Variants in OSBP2 observed in about 807,000 individuals in gnomAD.
The protein encoded by OSBP2 is oxysterol binding protein 2, also known as oxysterol-binding protein 2.
Under a neutral mutation model 96.0 loss-of-function variants are expected in OSBP2, and 66 were observed. The ratio of observed to expected loss-of-function variants is 0.69; its 90% CI spans 0.56 to 0.84. The LOEUF is 0.84. Among genes scored for constraint, OSBP2 ranks in the 40% least tolerant of loss-of-function variants. OSBP2 has a pLI of 0.00. For synonymous variants in OSBP2, 525 were observed against 520.9 expected (o/e 1.01, Z -0.11); for missense variants, 1,038 against 1,222.7 (o/e 0.85, Z 2.25).
chr22:30,800,522 A>G (rs2090835092), intron 2 of OSBP2, among the ~76,000 whole-genome samples: 1 of 152,128 alleles, frequency 6.6e-6, no homozygotes, highest in African/African-American at 2.4e-5. Flanking sequence ...TAGATTTGAC[A>G]GCAACATTGG....
chr22:30,758,150 C>T (rs1049605058), intron 2 of OSBP2, among the ~76,000 whole-genome samples: 1 of 152,162 alleles, frequency 6.6e-6, no homozygotes, highest in Non-Finnish European at 1.5e-5. Context: ...GCCTGTAATC[C>T]GTGCACTTTG....
At chr22:30,819,832 G>T (rs553309705) in intron 2 of OSBP2, among the ~76,000 whole-genome samples, 72 of 152,126 alleles carry the variant, frequency 4.7e-4, no homozygotes, top group Non-Finnish European at 1.6e-4. Flanking sequence ...ATAGACAGTG[G>T]GGCTAAGAAA....
chr22:30,817,539 G>A (rs1033600908), intron 2 of OSBP2, among the ~76,000 whole-genome samples: 1 of 152,226 alleles, frequency 6.6e-6, no homozygotes, highest in South Asian at 2.1e-4. Flanking sequence ...AGGGGAAAGG[G>A]GGTTGTGAGG....
At chr22:30,836,501 C>T (rs527880144) in intron 2 of OSBP2, among the ~76,000 whole-genome samples, 5 of 152,302 alleles carry the variant, frequency 3.3e-5, no homozygotes, top group African/African-American at 9.6e-5. Context: ...TTTCCTCCTT[C>T]CTTTTCTTTG....
intron 2 of OSBP2, among the ~76,000 whole-genome samples, chr22:30,775,698 C>T (rs931414948): frequency 6.6e-6 from 1 of 152,108 alleles, no homozygotes; most frequent in African/African-American, 2.4e-5. Flanking sequence ...TATCATTGTT[C>T]AAATACCTAA....
Position 30,782,691 on chromosome 22 carries a change from T to G in OSBP2, c.853+41322T>G, listed in dbSNP as rs538853685. ...CCTGTGGATGGACATTTGAGTTGTTTCCAGGTTCGGCCATAACAGAGCTGC... is the reference window on the plus strand; with the variant it reads ...CCTGTGGATGGACATTTGAGTTGTTGCCAGGTTCGGCCATAACAGAGCTGC... On this transcript the variant is annotated intron_variant, in intron 2 of 13. Coordinates refer to ENST00000332585, the MANE Select transcript of OSBP2 (RefSeq NM_030758.4). Among the ~76,000 whole-genome samples, 61 of 152,336 alleles carry G rather than the reference T, an allele frequency of 4.0e-4. 1 individual carries two copies. The highest frequency in any genetic ancestry group is 1.5e-3 in the African/African-American group (61 of 41,574).
chr22:30,862,232 C>T (rs147144925), intron 2 of OSBP2, among the ~76,000 whole-genome samples: 1,765 of 152,346 alleles, frequency 0.012, 19 homozygotes, highest in Non-Finnish European at 0.019. Flanking sequence ...AGGGCTTCCG[C>T]TCCCCGCCTG....
intron 2 of OSBP2, among the ~76,000 whole-genome samples, chr22:30,785,286 C>T (rs1409769461): frequency 4.0e-5 from 6 of 151,882 alleles, no homozygotes; most frequent in Non-Finnish European, 7.4e-5. Flanking sequence ...TTAATCTTTC[C>T]GGCCCGGCAC....
chr22:30,772,474 G>A (rs1030630568), intron 2 of OSBP2, among the ~76,000 whole-genome samples: 2 of 152,194 alleles, frequency 1.3e-5, no homozygotes, highest in East Asian at 1.9e-4. Context: ...GTCTTGTAAT[G>A]AATGAGGCAG....
At chr22:30,732,863 C>G (rs1368705421) in intron 1 of OSBP2, among the ~76,000 whole-genome samples, 1 of 152,210 alleles carries the variant, frequency 6.6e-6, no homozygotes. Flanking sequence ...CCTAGTGCAG[C>G]TGGGTTCCTG....
chr22:30,726,490 A>G (rs136372), intron 1 of OSBP2, among the ~76,000 whole-genome samples: 129,863 of 151,548 alleles, frequency 0.86, 55,836 homozygotes, highest in East Asian at 0.98. Context: ...GAGGGTGGGG[A>G]CAAGGAGAGG....
At chr22:30,746,485 CTT>C (rs34500140) in intron 2 of OSBP2, among the ~76,000 whole-genome samples, 5 of 101,542 alleles carry the variant, frequency 4.9e-5, no homozygotes, top group Admixed American at 1.2e-4. Flanking sequence ...GGATGAAACA[CTT>C]TTTTTTTTTT....
At chr22:30,823,279 G>A (rs2038324746) in intron 2 of OSBP2, among the ~76,000 whole-genome samples, 1 of 152,226 alleles carries the variant, frequency 6.6e-6, no homozygotes. Flanking sequence ...CTAGCGTGGG[G>A]GAAAACCTTA....
At chr22:30,709,123 ATAAAT>A (rs1271964817) in intron 1 of OSBP2, among the ~76,000 whole-genome samples, 1 of 152,122 alleles carries the variant, frequency 6.6e-6, no homozygotes, top group Non-Finnish European at 1.5e-5. Context: ...AATAAAATAA[ATAAAT>A]AAATAAACAA....
At chr22:30,716,843 A>G (rs1177056344) in intron 1 of OSBP2, among the ~76,000 whole-genome samples, 1 of 152,126 alleles carries the variant, frequency 6.6e-6, no homozygotes, top group Non-Finnish European at 1.5e-5. Flanking sequence ...ATTAGCAAAT[A>G]TTTTCTCCTA....
chr22:30,892,862 T>C (rs1469519356), intron 8 of OSBP2, among the ~76,000 whole-genome samples: 2 of 152,116 alleles, frequency 1.3e-5, no homozygotes, highest in African/African-American at 4.8e-5. Flanking sequence ...GAGCATGAGG[T>C]CCACCATCAC....
rs2039910807 is a variant in OSBP2 at position 30,890,091 on chromosome 22, A to G, written c.1623+455A>G. Among the ~76,000 whole-genome samples, 1 of 152,206 alleles carries G rather than the reference A, an allele frequency of 6.6e-6. No homozygotes were observed. ...GCTACAGTGGCATCTCCACTAGGCC[A>G]GACGGTTCTGCTGTGTGACCCAGAA... is the stretch of plus-strand genomic sequence containing the variant. On this transcript the variant is annotated intron_variant, in intron 7 of 13. Transcript: ENST00000332585. The surrounding 1 kb of genome is among the most constrained non-coding windows in gnomAD (Gnocchi z 4.4).
chr22:30,788,391 TAGAG>T (rs2090625880), intron 2 of OSBP2, among the ~76,000 whole-genome samples: 1 of 152,076 alleles, frequency 6.6e-6, no homozygotes, highest in African/African-American at 2.4e-5. Context: ...AATCCAGCAG[TAGAG>T]AGAGGCCAGC....
At chr22:30,876,882 T>C (rs778031052) in intron 3 of OSBP2, among the ~76,000 whole-genome samples, 2 of 152,252 alleles carry the variant, frequency 1.3e-5, no homozygotes, top group Non-Finnish European at 2.9e-5. Flanking sequence ...CACTGCTGCA[T>C]TATGGTAGAG....
Sources: allele counts gnomAD v4.1 joint callset (sites outside exome capture counted in the v4.1 genomes callset), GRCh38; gene constraint gnomAD v4.1.1; non-coding constraint Gnocchi (gnomAD v3.1); transcripts MANE v1.5; gene names NCBI Gene and HGNC (gene_info 2026-07-23, HGNC 2026-07-21).